Variants in CTNND2 observed in about 807,000 individuals in gnomAD.
CTNND2 encodes catenin delta-2.
Under a neutral mutation model 144.4 loss-of-function variants are expected in CTNND2, and 22 were observed. The observed-to-expected ratio is 0.15, with a 90% CI of 0.11 to 0.22. The LOEUF (loss-of-function observed/expected upper bound fraction) is 0.22, where lower values mean the gene tolerates loss of function less well. CTNND2 is among the 10% of genes least tolerant of loss of function. CTNND2 has a pLI of 1.00. For missense variants in CTNND2, 1,353 were observed against 1,618.8 expected, an observed-to-expected ratio of 0.84 and a Z score of 2.82; for synonymous variants, 751 against 695.6, an observed-to-expected ratio of 1.08 and a Z score of -1.25.
chr5:11,629,091 G>A (rs1781295029), intron 2 of CTNND2, among the ~76,000 whole-genome samples: 1 of 152,086 alleles, frequency 6.6e-6, no homozygotes, highest in South Asian at 2.1e-4. Flanking sequence ...TCCTACTCTA[G>A]GGATCCACAC....
chr5:11,768,522 C>A (rs1467151290), intron 1 of CTNND2, among the ~76,000 whole-genome samples: 1 of 152,158 alleles, frequency 6.6e-6, no homozygotes, highest in Non-Finnish European at 1.5e-5. Flanking sequence ...AACTCCTAAC[C>A]CCATGTGATC....
At chr5:11,695,727 C>T (rs1208646974) in intron 2 of CTNND2, among the ~76,000 whole-genome samples, 1 of 152,030 alleles carries the variant, frequency 6.6e-6, no homozygotes, top group Admixed American at 6.6e-5. Context: ...CTGAAGCAGG[C>T]TTATTTAGAA....
intron 7 of CTNND2, among the ~76,000 whole-genome samples, chr5:11,374,440 G>A (rs942601076): frequency 6.6e-6 from 1 of 152,112 alleles, no homozygotes. Context: ...GTAGCTTTTG[G>A]CAGCTACTAG....
chr5:11,051,171 A>G (rs1745788509), intron 16 of CTNND2, among the ~76,000 whole-genome samples: 1 of 152,234 alleles, frequency 6.6e-6, no homozygotes. Context: ...GCTCTTTATT[A>G]ACATATACTG....
At chr5:11,093,757 C>T (rs1361769090) in intron 15 of CTNND2, among the ~76,000 whole-genome samples, 1 of 152,098 alleles carries the variant, frequency 6.6e-6, no homozygotes, top group Non-Finnish European at 1.5e-5. Context: ...TCTTTGAATT[C>T]TAGATTTCAG....
chr5:11,357,987 T>C (rs1020367704), intron 8 of CTNND2, among the ~76,000 whole-genome samples: 2 of 152,174 alleles, frequency 1.3e-5, no homozygotes, highest in African/African-American at 4.8e-5. Flanking sequence ...TAATTATTCT[T>C]AAGTTCCAAC....
chr5:11,481,471 C>T (rs1054385524), intron 3 of CTNND2, among the ~76,000 whole-genome samples: 5 of 152,008 alleles, frequency 3.3e-5, no homozygotes, highest in Non-Finnish European at 7.4e-5. Context: ...GGTGTGGTGG[C>T]GCAGGCCTAT....
intron 12 of CTNND2, among the ~76,000 whole-genome samples, chr5:11,139,772 G>A (rs568723419): frequency 9.8e-5 from 15 of 152,314 alleles, no homozygotes; most frequent in African/African-American, 1.2e-4. Flanking sequence ...ATAAACTGCC[G>A]ATTTATTCTT....
intron 2 of CTNND2, among the ~76,000 whole-genome samples, chr5:11,635,014 G>A (rs1191597848): frequency 6.6e-6 from 1 of 151,898 alleles, no homozygotes; most frequent in Non-Finnish European, 1.5e-5. Flanking sequence ...ATTAGAGGTA[G>A]GGATTATACA....
chr5:10,988,384 T>G lies in CTNND2; in HGVS notation c.3212-142A>C, dbSNP rs1348033149. The stretch of plus-strand genomic sequence containing the variant: ...CCTGATGGGTTTTCTTTTTAATTTT[T>G]ATTTTTTGGCAGTTTTGGCTCTTGT... On this transcript the variant is annotated intron_variant, in intron 19 of 21. Coordinates refer to ENST00000304623, the MANE Select transcript of CTNND2 (RefSeq NM_001332.4). The surrounding 1 kb of genome is among the most constrained non-coding windows in gnomAD (Gnocchi z 5.9). 7 of 1,065,234 alleles carry G rather than the reference T, an allele frequency of 6.6e-6. No homozygotes were observed. The highest frequency in any genetic ancestry group is 1.6e-5 in the African/African-American group (1 of 62,162). 66.0% of individuals were successfully genotyped at this position (1,065,234 alleles called of 1,614,324 possible).
chr5:11,733,694 C>G (rs1787522905), intron 1 of CTNND2, among the ~76,000 whole-genome samples: 1 of 152,186 alleles, frequency 6.6e-6, no homozygotes, highest in Non-Finnish European at 1.5e-5. Flanking sequence ...TAGTCCATGA[C>G]AGACAGCAGA....
intron 16 of CTNND2, among the ~76,000 whole-genome samples, chr5:11,079,645 G>A (rs1448702534): frequency 6.6e-6 from 1 of 152,156 alleles, no homozygotes; most frequent in African/African-American, 2.4e-5. Flanking sequence ...CCTCTCCAGG[G>A]CCTTTTCCCT....
intron 12 of CTNND2, among the ~76,000 whole-genome samples, chr5:11,128,879 AATAC>A (rs1218166557): frequency 3.0e-5 from 2 of 66,514 alleles, no homozygotes; most frequent in Non-Finnish European, 5.8e-5. Flanking sequence ...ATAAATATAT[AATAC>A]ATAAATATAT....
intron 13 of CTNND2, among the ~76,000 whole-genome samples, chr5:11,114,815 C>T (rs375565035): frequency 6.6e-6 from 1 of 152,126 alleles, no homozygotes. Context: ...TCATTCAAAC[C>T]CCTCACCCTC....
chr5:11,557,569 A>T (rs1195159755), intron 3 of CTNND2, among the ~76,000 whole-genome samples: 2 of 152,038 alleles, frequency 1.3e-5, no homozygotes, highest in Admixed American at 1.3e-4. Flanking sequence ...TCTAGCTTCG[A>T]ATTGAATTTT....
intron 16 of CTNND2, among the ~76,000 whole-genome samples, chr5:11,039,695 G>A (rs1226969635): frequency 5.9e-5 from 9 of 152,072 alleles, no homozygotes; most frequent in Non-Finnish European, 1.3e-4. Context: ...AGTTGCAATG[G>A]GCAGAGGATA....
chr5:11,389,092 C>T (rs757686499), intron 6 of CTNND2, among the ~76,000 whole-genome samples: 7 of 152,158 alleles, frequency 4.6e-5, no homozygotes, highest in Non-Finnish European at 1.0e-4. Flanking sequence ...GATTGGGCCC[C>T]ATCCTTGGTC....
At chr5:11,213,129 A>G (rs1161929964) in intron 10 of CTNND2, among the ~76,000 whole-genome samples, 1 of 152,126 alleles carries the variant, frequency 6.6e-6, no homozygotes, top group Non-Finnish European at 1.5e-5. Context: ...TCTCTCAACC[A>G]TTTTTGTTTC....
chr5:11,434,009 A>C (rs1168721597), intron 3 of CTNND2, among the ~76,000 whole-genome samples: 1 of 152,258 alleles, frequency 6.6e-6, no homozygotes, highest in Admixed American at 6.5e-5. Flanking sequence ...ATTTACAAAA[A>C]GACTTGTAAA....
Sources: allele counts gnomAD v4.1 joint callset (sites outside exome capture counted in the v4.1 genomes callset), GRCh38; gene constraint gnomAD v4.1.1; non-coding constraint Gnocchi (gnomAD v3.1); transcripts MANE v1.5; gene names NCBI Gene and HGNC (gene_info 2026-07-23, HGNC 2026-07-21).